The following GALNTL6 variants were observed in gnomAD, a reference collection of about 807,000 sequenced individuals.
GALNTL6 encodes the protein polypeptide N-acetylgalactosaminyltransferase like 6.
Under a neutral mutation model 73.7 loss-of-function variants are expected in GALNTL6, and 46 were observed. That is an observed-to-expected ratio of 0.62 (90% confidence interval 0.49 to 0.80). GALNTL6 has a LOEUF of 0.80. Among genes scored for constraint, GALNTL6 ranks in the 30% least tolerant of loss-of-function variants. The pLI, the probability that GALNTL6 is intolerant of heterozygous loss-of-function variation, is 0.00. For missense variants in GALNTL6, 604 were observed against 755.0 expected (o/e 0.80, Z 2.34); for synonymous variants, 259 against 263.7 (o/e 0.98, Z 0.17).
intron 5 of GALNTL6, among the ~76,000 whole-genome samples, chr4:172,492,286 A>G (rs1268479269): frequency 2.0e-5 from 3 of 152,192 alleles, no homozygotes; most frequent in East Asian, 1.9e-4. Context: ...GAGGTGTTCA[A>G]TAAAACCAAT....
intron 10 of GALNTL6, among the ~76,000 whole-genome samples, chr4:173,005,820 T>C (rs1752253187): frequency 6.6e-6 from 1 of 152,236 alleles, no homozygotes; most frequent in Non-Finnish European, 1.5e-5. Context: ...TACACAGATG[T>C]AGACAATTAT....
At chr4:171,997,473 C>G (rs1242126614) in intron 2 of GALNTL6, among the ~76,000 whole-genome samples, 1 of 152,018 alleles carries the variant, frequency 6.6e-6, no homozygotes, top group Non-Finnish European at 1.5e-5. Context: ...TCATAGCTTA[C>G]CCTTAAACAT....
At chr4:172,225,881 G>C (rs1481255194) in intron 2 of GALNTL6, among the ~76,000 whole-genome samples, 1 of 152,138 alleles carries the variant, frequency 6.6e-6, no homozygotes, top group African/African-American at 2.4e-5. Context: ...AAAGTTATTA[G>C]TGTAGCAAAT....
At chr4:171,858,341 T>C (rs1334606353) in intron 2 of GALNTL6, among the ~76,000 whole-genome samples, 1 of 151,990 alleles carries the variant, frequency 6.6e-6, no homozygotes. Flanking sequence ...AACAAAGGAG[T>C]TTTGAGTCAT....
intron 2 of GALNTL6, among the ~76,000 whole-genome samples, chr4:172,226,794 T>G (rs1255656195): frequency 1.3e-5 from 2 of 152,118 alleles, no homozygotes; most frequent in African/African-American, 4.8e-5. Context: ...TTGACCTTCA[T>G]TTTCCAAACT....
chr4:172,005,485 G>T (rs74615784), intron 2 of GALNTL6, among the ~76,000 whole-genome samples: 1,675 of 152,082 alleles, frequency 0.011, 23 homozygotes, highest in African/African-American at 0.037. Context: ...AAGAGTAAGA[G>T]AATAAACCCT....
At chr4:171,906,461 G>T (rs1737281079) in intron 2 of GALNTL6, among the ~76,000 whole-genome samples, 1 of 151,728 alleles carries the variant, frequency 6.6e-6, no homozygotes, top group Non-Finnish European at 1.5e-5. Context: ...TTGAATCTCT[G>T]AATAGACCAA....
rs757397109 is a variant in GALNTL6 at position 172,103,097 on chromosome 4, GTCC to G, written c.139-126557_139-126555del. Among the ~76,000 whole-genome samples, 17 of 152,278 alleles carry G rather than the reference GTCC, an allele frequency of 1.1e-4. No homozygotes were observed. The East Asian group carries it at 3.3e-3, about 29-fold the overall frequency. On this transcript the variant is annotated intron_variant, in intron 2 of 12. Coordinates refer to ENST00000506823, the MANE Select transcript of GALNTL6 (RefSeq NM_001034845.3). ...AGTATGGTTGGCCAGGGGACACTGTGTCCTTGTTGCAACTCCTTCTAGAGAGAC... is the reference window on the plus strand; with the variant it reads ...AGTATGGTTGGCCAGGGGACACTGTGTTGTTGCAACTCCTTCTAGAGAGAC...
chr4:172,908,432 T>C (rs1034020573), intron 8 of GALNTL6, among the ~76,000 whole-genome samples: 1 of 152,024 alleles, frequency 6.6e-6, no homozygotes, highest in African/African-American at 2.4e-5. Context: ...ATTCTGAAGA[T>C]AGTAGGCAAT....
intron 8 of GALNTL6, among the ~76,000 whole-genome samples, chr4:172,883,881 C>T (rs1745583950): frequency 6.6e-6 from 1 of 151,824 alleles, no homozygotes; most frequent in Non-Finnish European, 1.5e-5. Context: ...TGAGCTAGGA[C>T]ATGGGATGTT....
chr4:172,866,428 T>A (rs1384392277), intron 7 of GALNTL6, among the ~76,000 whole-genome samples: 1 of 151,996 alleles, frequency 6.6e-6, no homozygotes, highest in Non-Finnish European at 1.5e-5. Flanking sequence ...TTAACCTGAG[T>A]TTTTTCCATT....
intron 5 of GALNTL6, among the ~76,000 whole-genome samples, chr4:172,685,315 A>G (rs1732853555): frequency 6.6e-6 from 1 of 152,144 alleles, no homozygotes; most frequent in Non-Finnish European, 1.5e-5. Flanking sequence ...TTCATTTTTC[A>G]TGGGCTTTTC....
intron 2 of GALNTL6, among the ~76,000 whole-genome samples, chr4:171,919,331 G>T (rs1478484579): frequency 6.6e-6 from 1 of 151,994 alleles, no homozygotes; most frequent in South Asian, 2.1e-4. Flanking sequence ...TTTCATTTTA[G>T]TTCCTTCAGA....
chr4:172,016,083 A>T (rs1741186089), intron 2 of GALNTL6, among the ~76,000 whole-genome samples: 1 of 151,298 alleles, frequency 6.6e-6, no homozygotes, highest in African/African-American at 2.4e-5. Flanking sequence ...GAGTTCTTTG[A>T]GCTTCTTGTA....
chr4:172,238,654 A>T (rs1177047111), intron 3 of GALNTL6, among the ~76,000 whole-genome samples: 2 of 152,130 alleles, frequency 1.3e-5, no homozygotes, highest in African/African-American at 2.4e-5. Context: ...GGGAGTGATG[A>T]GAGAGGGTAT....
chr4:171,888,685 T>C (rs2110922697), intron 2 of GALNTL6, among the ~76,000 whole-genome samples: 1 of 152,006 alleles, frequency 6.6e-6, no homozygotes, highest in Non-Finnish European at 1.5e-5. Flanking sequence ...TTATGCAGTG[T>C]CCTAAAGAAA....
intron 8 of GALNTL6, among the ~76,000 whole-genome samples, chr4:172,899,353 C>T (rs1746497935): frequency 6.6e-6 from 1 of 152,128 alleles, no homozygotes; most frequent in Admixed American, 6.6e-5. Context: ...CCTGAAATAC[C>T]ATCTATTAAA....
At chr4:172,553,469 C>A (rs376486617) in intron 5 of GALNTL6, among the ~76,000 whole-genome samples, 1 of 152,254 alleles carries the variant, frequency 6.6e-6, no homozygotes, top group East Asian at 1.9e-4. Flanking sequence ...TATGTAGATT[C>A]TTCACTTATT....
chr4:172,845,439 A>G (rs1743457805), intron 7 of GALNTL6, among the ~76,000 whole-genome samples: 1 of 152,088 alleles, frequency 6.6e-6, no homozygotes, highest in Non-Finnish European at 1.5e-5. Flanking sequence ...TGTGGGTGGG[A>G]GGACATGGGG....
Sources: allele counts gnomAD v4.1 joint callset (sites outside exome capture counted in the v4.1 genomes callset), GRCh38; gene constraint gnomAD v4.1.1; transcripts MANE v1.5; gene names NCBI Gene and HGNC (gene_info 2026-07-23, HGNC 2026-07-21).